Variants in ERC2 observed in about 807,000 individuals in gnomAD.
ERC2 encodes ERC protein 2.
A neutral mutation model predicts 114.8 loss-of-function variants in ERC2; 42 were observed. The ratio of observed to expected loss-of-function variants is 0.37; its 90% CI spans 0.29 to 0.47. The LOEUF (loss-of-function observed/expected upper bound fraction) is 0.47, where lower values mean the gene tolerates loss of function less well. ERC2 is among the 20% of genes least tolerant of loss of function. The pLI, the probability that ERC2 is intolerant of heterozygous loss-of-function variation, is 0.99. For synonymous variants in ERC2, 454 were observed against 425.5 expected (o/e 1.07, Z -0.82); for missense variants, 939 against 1,150.7 (o/e 0.82, Z 2.66).
chr3:55,555,033 C>T (rs1034453476), intron 17 of ERC2, among the ~76,000 whole-genome samples: 7 of 152,250 alleles, frequency 4.6e-5, no homozygotes, highest in East Asian at 1.9e-4. Context: ...CCCACCACCA[C>T]GCCCAGCCAC....
intron 2 of ERC2, among the ~76,000 whole-genome samples, chr3:56,426,881 G>T (rs926758205): frequency 3.3e-5 from 5 of 151,986 alleles, no homozygotes; most frequent in Admixed American, 2.0e-4. Flanking sequence ...TTAAGTTTTG[G>T]CAGAGCGCAG....
chr3:55,600,087 A>G (rs1487938162), intron 17 of ERC2, among the ~76,000 whole-genome samples: 1 of 152,208 alleles, frequency 6.6e-6, no homozygotes, highest in African/African-American at 2.4e-5. Context: ...GCTCTAGAAA[A>G]TATCATCAGA....
intron 3 of ERC2, among the ~76,000 whole-genome samples, chr3:56,200,697 C>T (rs559068510): frequency 3.3e-5 from 5 of 152,268 alleles, no homozygotes; most frequent in South Asian, 2.1e-4. Flanking sequence ...GGGGGAATTG[C>T]AAAGACTTCA....
intron 14 of ERC2, among the ~76,000 whole-genome samples, chr3:55,869,272 C>T (rs2062460737): frequency 6.6e-6 from 1 of 152,050 alleles, no homozygotes; most frequent in Non-Finnish European, 1.5e-5. Context: ...ACCTATTTGT[C>T]TTAAGGCAAA....
At chr3:55,574,143 C>A (rs772620028) in intron 17 of ERC2, among the ~76,000 whole-genome samples, 1 of 152,120 alleles carries the variant, frequency 6.6e-6, no homozygotes, top group Non-Finnish European at 1.5e-5. Flanking sequence ...TGGATTAGGT[C>A]TGGTTATTCT....
chr3:56,363,011 C>T (rs1055365486), intron 2 of ERC2, among the ~76,000 whole-genome samples: 2 of 152,152 alleles, frequency 1.3e-5, no homozygotes, highest in African/African-American at 4.8e-5. Context: ...AGGACAGCCA[C>T]ATGCAGAAAC....
At position 56,434,863 on chromosome 3, in the gene ERC2, T is replaced by C; in HGVS notation, c.145A>G (p.Ile49Val). Residue 49 changes from isoleucine (I) to valine (V), a missense_variant, in exon 2 of 18, where the codon ATC becomes GTC. Physicochemically the swap from Ile to Val is conservative, Grantham distance 29. Around this residue, in one of 5 missense-constraint regions of ERC2, gnomAD observed 281 missense variants for 307.4 expected, o/e 0.91. Transcript: ENST00000288221. ...GCATAGGCTGCATTGAGGGACTGGA[T>C]ATTCTCCATAGACAGAGTCTTGCCT... is the stretch of plus-strand genomic sequence containing the variant. ...GTGKTLSMEN[I>V]QSLNAAYATS... 1 of 1,613,882 alleles carries C rather than the reference T, an allele frequency of 6.2e-7. No homozygotes were observed. The highest frequency in any genetic ancestry group is 1.1e-5 in the South Asian group (1 of 91,066).
At chr3:56,269,647 G>A (rs1307692537) in intron 3 of ERC2, among the ~76,000 whole-genome samples, 1 of 152,100 alleles carries the variant, frequency 6.6e-6, no homozygotes, top group Non-Finnish European at 1.5e-5. Flanking sequence ...TAGGAAGGAA[G>A]CAAATAACCC....
intron 7 of ERC2, among the ~76,000 whole-genome samples, chr3:56,057,216 TGTCCACTTCAGGG>T (rs1470673162): frequency 6.6e-6 from 1 of 152,242 alleles, no homozygotes; most frequent in East Asian, 1.9e-4. Flanking sequence ...CATTTTTAAG[TGTCCACTTCAGGG>T]GCATTAAGTA....
intron 14 of ERC2, among the ~76,000 whole-genome samples, chr3:55,816,660 C>T (rs1385355263): frequency 3.3e-5 from 5 of 152,126 alleles, no homozygotes; most frequent in African/African-American, 4.8e-5. Context: ...CAATTCAAAT[C>T]CCATCTTTCC....
At chr3:56,043,795 C>G (rs1034186492) in intron 7 of ERC2, among the ~76,000 whole-genome samples, 4 of 152,086 alleles carry the variant, frequency 2.6e-5, no homozygotes, top group Admixed American at 2.6e-4. Context: ...ATCTACAATT[C>G]AATTGCAACT....
chr3:56,232,134 CTTTT>C (rs1201613428), intron 3 of ERC2, among the ~76,000 whole-genome samples: 2 of 128,130 alleles, frequency 1.6e-5, no homozygotes. Flanking sequence ...CCACTCCTGG[CTTTT>C]TTTTTTTTTT....
At chr3:55,824,487 G>A (rs1295812379) in intron 14 of ERC2, among the ~76,000 whole-genome samples, 1 of 152,098 alleles carries the variant, frequency 6.6e-6, no homozygotes, top group African/African-American at 2.4e-5. Context: ...TACATTTTTG[G>A]GTCTATGTGT....
chr3:56,316,265 G>A (rs2056856132), intron 2 of ERC2, among the ~76,000 whole-genome samples: 1 of 151,966 alleles, frequency 6.6e-6, no homozygotes, highest in Admixed American at 6.6e-5. Context: ...AAATCCAAAG[G>A]GAAATAAAAG....
chr3:55,997,726 A>C (rs1481558544), intron 10 of ERC2, among the ~76,000 whole-genome samples: 3 of 150,458 alleles, frequency 2.0e-5, no homozygotes, highest in African/African-American at 7.3e-5. Context: ...GGTTACAAAA[A>C]AAAATTACAA....
chr3:56,260,046 G>A (rs1303196508), intron 3 of ERC2, among the ~76,000 whole-genome samples: 1 of 152,198 alleles, frequency 6.6e-6, no homozygotes, highest in Non-Finnish European at 1.5e-5. Flanking sequence ...ATTTTCTAAT[G>A]TTGCTAACTA....
chr3:56,376,760 C>T (rs2059558812), intron 2 of ERC2, among the ~76,000 whole-genome samples: 1 of 28,676 alleles, frequency 3.5e-5, no homozygotes, highest in Non-Finnish European at 1.1e-4. Context: ...AAGACTCTGT[C>T]TCAAAAAAAA....
In ERC2 at chr3:55,886,368, A is replaced by G. The variant is rs2063346868; in HGVS notation, c.2564+2021T>C. ...TCTCCATTCAAAAATCAAATCCAAA[A>G]TGAAGGTGGAAGCATATGCAATTCC... On this transcript the variant is annotated intron_variant, in intron 14 of 17. Coordinates refer to ENST00000288221, the MANE Select transcript of ERC2 (RefSeq NM_015576.3). Among the ~76,000 whole-genome samples the G allele has an allele frequency of 2.0e-5, 3 of 152,234 alleles. 1 individual carries two copies. The South Asian group carries it at 6.2e-4, about 31-fold the overall frequency.
At chr3:55,918,111 A>G (rs1310278299) in intron 13 of ERC2, among the ~76,000 whole-genome samples, 1 of 152,170 alleles carries the variant, frequency 6.6e-6, no homozygotes, top group Non-Finnish European at 1.5e-5. Flanking sequence ...AAGACAATAG[A>G]TCACACCAAA....
Sources: allele counts gnomAD v4.1 joint callset (sites outside exome capture counted in the v4.1 genomes callset), GRCh38; gene constraint gnomAD v4.1.1; regional missense constraint gnomAD v4.1.1; transcripts MANE v1.5; gene names NCBI Gene and HGNC (gene_info 2026-07-23, HGNC 2026-07-21).